TMEFF2: variants seen among roughly 807,000 people sequenced by gnomAD.
The protein encoded by TMEFF2 is transmembrane protein with EGF like and two follistatin like domains 2.
TMEFF2 carries 28 observed loss-of-function variants against 53.8 expected under a neutral mutation model. The ratio of observed to expected loss-of-function variants is 0.52; its 90% CI spans 0.39 to 0.71. The LOEUF (loss-of-function observed/expected upper bound fraction) is 0.71. Among genes scored for constraint, TMEFF2 ranks in the 30% least tolerant of loss-of-function variants. TMEFF2 has a pLI of 0.00. For synonymous variants in TMEFF2, 162 were observed against 166.3 expected (o/e 0.97, Z 0.20); for missense variants, 353 against 455.2 (o/e 0.78, Z 2.04).
chr2:192,174,948 C>G (rs1691002743), intron 4 of TMEFF2, among the ~76,000 whole-genome samples: 1 of 151,628 alleles, frequency 6.6e-6, no homozygotes, highest in African/African-American at 2.4e-5. Flanking sequence ...TAGCCTTTTA[C>G]AAGCATATTT....
At chr2:192,121,636 T>C (rs1689556237) in intron 4 of TMEFF2, among the ~76,000 whole-genome samples, 1 of 152,162 alleles carries the variant, frequency 6.6e-6, no homozygotes, top group African/African-American at 2.4e-5. Context: ...CTGCAGGTGA[T>C]GGTAATACTG....
chr2:191,972,726 C>T (rs1018452288), intron 7 of TMEFF2, among the ~76,000 whole-genome samples: 1 of 152,006 alleles, frequency 6.6e-6, no homozygotes, highest in Non-Finnish European at 1.5e-5. Context: ...GGAACTATTC[C>T]AAGATGATGC....
intron 4 of TMEFF2, among the ~76,000 whole-genome samples, chr2:192,163,228 A>AT (rs1219208211): frequency 6.6e-6 from 1 of 152,184 alleles, no homozygotes; most frequent in Admixed American, 6.6e-5. Context: ...GATGGCAAAT[A>AT]TAGGTAAAGC....
chr2:192,062,657 T>C (rs1688072188), intron 4 of TMEFF2, among the ~76,000 whole-genome samples: 1 of 152,142 alleles, frequency 6.6e-6, no homozygotes, highest in Non-Finnish European at 1.5e-5. Context: ...TGTTGCAATA[T>C]TTTTCTCGGT....
intron 4 of TMEFF2, among the ~76,000 whole-genome samples, chr2:192,069,691 A>T (rs997234359): frequency 2.0e-5 from 3 of 151,776 alleles, no homozygotes; most frequent in African/African-American, 7.2e-5. Flanking sequence ...TTTTAAAAAA[A>T]TTGCATGAGT....
intron 4 of TMEFF2, among the ~76,000 whole-genome samples, chr2:192,088,237 A>G (rs1306604424): frequency 1.3e-5 from 2 of 152,052 alleles, no homozygotes; most frequent in Non-Finnish European, 2.9e-5. Flanking sequence ...TTGTGCCCAC[A>G]GGTAAGAAAA....
chr2:192,145,595 G>T (rs866026119), intron 4 of TMEFF2, among the ~76,000 whole-genome samples: 5 of 152,050 alleles, frequency 3.3e-5, no homozygotes, highest in Admixed American at 6.6e-5. Flanking sequence ...ATCTTTTGGG[G>T]ATGGCTCTTC....
chr2:192,102,215 C>G (rs141232229), intron 4 of TMEFF2, among the ~76,000 whole-genome samples: 2 of 152,186 alleles, frequency 1.3e-5, no homozygotes, highest in Non-Finnish European at 2.9e-5. Context: ...AAAATGAAGC[C>G]TGCATTTACT....
chr2:192,013,487 A>G (rs1686677709), intron 5 of TMEFF2, among the ~76,000 whole-genome samples: 1 of 148,764 alleles, frequency 6.7e-6, no homozygotes, highest in African/African-American at 2.5e-5. Flanking sequence ...GTCTCGCTCT[A>G]TCCCCCAGGC....
chr2:192,163,833 T>C (rs1690689839), intron 4 of TMEFF2, among the ~76,000 whole-genome samples: 1 of 152,214 alleles, frequency 6.6e-6, no homozygotes, highest in African/African-American at 2.4e-5. Context: ...GATGGGGTTA[T>C]TTCTTTTTCT....
chr2:192,082,961 A>ATTTTT (rs377750674), intron 4 of TMEFF2, among the ~76,000 whole-genome samples: 1 of 142,836 alleles, frequency 7.0e-6, no homozygotes, highest in Non-Finnish European at 1.5e-5. Context: ...TAGAGAGTTG[A>ATTTTT]TTTTTTTTTT....
chr2:191,975,855 A>G (rs1162095355), intron 7 of TMEFF2, among the ~76,000 whole-genome samples: 2 of 152,202 alleles, frequency 1.3e-5, no homozygotes, highest in Non-Finnish European at 1.5e-5. Context: ...CTGCCTTTCT[A>G]CAACACAGAA....
intron 7 of TMEFF2, among the ~76,000 whole-genome samples, chr2:191,986,136 AAT>A (rs1338187690): frequency 1.3e-4 from 20 of 152,236 alleles, no homozygotes; most frequent in Non-Finnish European, 4.4e-5. Flanking sequence ...GTTGTTTTTA[AAT>A]ATATTTCTAT....
In TMEFF2 at chr2:192,184,476, T is replaced by C. The variant is rs1691264729; in HGVS notation, c.290A>G (p.Asn97Ser). 9 of 1,613,190 alleles carry C rather than the reference T, an allele frequency of 5.6e-6. No individual in the cohort carries two copies. The highest frequency in any genetic ancestry group is 6.8e-6 in the Non-Finnish European group (8 of 1,179,426). ...VTCVCQFKCN[N>S]DYVPVCGSNG... ...GGAGCCACACACAGGCACATAGTCA[T>C]TGTTGCACTGGGAAACACACAGATG... Residue 97 changes from asparagine (N) to serine (S), a missense_variant, in exon 3 of 10, where the codon AAT (asparagine) becomes AGT (serine). Coordinates refer to ENST00000272771, the MANE Select transcript of TMEFF2 (RefSeq NM_016192.4).
At position 191,951,165 on chromosome 2, in the gene TMEFF2, ATGTG is replaced by A. The variant is rs33981886; in HGVS notation, c.1029-762_1029-759del. On this transcript the variant is annotated intron_variant, in intron 9 of 9. Coordinates refer to ENST00000272771, the MANE Select transcript of TMEFF2 (RefSeq NM_016192.4). ...TGTATATGTGGGTTTATGTGTATGT[ATGTG>A]TGTGTGTGTATGTATGTGTATATAA... Among the ~76,000 whole-genome samples the A allele has an allele frequency of 2.6e-4, 39 of 149,840 alleles. No homozygotes were observed. In the South Asian group the frequency reaches 3.2e-3, roughly 12 times the overall value.
At chr2:192,193,031 G>C (rs1477749905) in intron 1 of TMEFF2, among the ~76,000 whole-genome samples, 3 of 152,144 alleles carry the variant, frequency 2.0e-5, no homozygotes, top group Non-Finnish European at 2.9e-5. Context: ...GGATAAATTA[G>C]AATGATGCAT....
intron 5 of TMEFF2, among the ~76,000 whole-genome samples, chr2:192,048,616 C>T (rs964886872): frequency 6.6e-6 from 1 of 152,090 alleles, no homozygotes; most frequent in South Asian, 2.1e-4. Flanking sequence ...TTAAAAGATA[C>T]AGCAGGGCAT....
At chr2:192,072,573 G>A (rs1452026405) in intron 4 of TMEFF2, among the ~76,000 whole-genome samples, 1 of 15,884 alleles carries the variant, frequency 6.3e-5, no homozygotes, top group Non-Finnish European at 2.7e-4. Flanking sequence ...CGTATTTTTA[G>A]ATTAGATAAA....
At position 192,057,548 on chromosome 2, in the gene TMEFF2, T is replaced by G; in HGVS notation, c.536+131A>C. The G allele has an allele frequency of 4.8e-6, 4 of 832,334 alleles. No homozygotes were observed. The South Asian group carries it at 6.5e-5, about 14-fold the overall frequency. The allele number at this position is 832,334 out of a possible 1,614,324, so 51.6% of individuals were successfully genotyped here. A position where few individuals can be genotyped will look rare whatever the true frequency, so the allele number is the denominator to read the frequency against. The stretch of plus-strand genomic sequence containing the variant: ...CCAGAAATTCCTTGCCCTCATTTTT[T>G]TTTTCACTTGGGAACTGAATAAGAA... On this transcript the variant is annotated intron_variant, in intron 5 of 9. Coordinates refer to ENST00000272771, the MANE Select transcript of TMEFF2 (RefSeq NM_016192.4).
Sources: allele counts gnomAD v4.1 joint callset (sites outside exome capture counted in the v4.1 genomes callset), GRCh38; gene constraint gnomAD v4.1.1; transcripts MANE v1.5; gene names NCBI Gene and HGNC (gene_info 2026-07-23, HGNC 2026-07-21).